FAM118B: variants seen among roughly 807,000 people sequenced by gnomAD.
FAM118B encodes the protein protein FAM118B.
Under a neutral mutation model 38.5 loss-of-function variants are expected in FAM118B, and 24 were observed. The ratio of observed to expected loss-of-function variants is 0.62; its 90% CI spans 0.45 to 0.88. The LOEUF is 0.88. FAM118B is among the 40% of genes least tolerant of loss of function. The probability of loss-of-function intolerance (pLI) is 0.00; values close to 1 mark genes in which losing one functional copy is unlikely to be tolerated. For synonymous variants in FAM118B, 138 were observed against 156.3 expected (o/e 0.88, Z 0.87); for missense variants, 334 against 420.0 (o/e 0.80, Z 1.79).
chr11:126,247,650 A>G (rs1386816872), intron 4 of FAM118B, among the ~76,000 whole-genome samples: 1 of 151,950 alleles, frequency 6.6e-6, no homozygotes, highest in Non-Finnish European at 1.5e-5. Flanking sequence ...ACAAGGTCAG[A>G]AGTTCAAGAC....
intron 1 of FAM118B, among the ~76,000 whole-genome samples, chr11:126,226,895 A>T (rs1163879833): frequency 1.3e-5 from 2 of 149,454 alleles, no homozygotes; most frequent in Non-Finnish European, 1.5e-5. Context: ...ACCAAGCCTG[A>T]TGGTGGAGGC....
In FAM118B at chr11:126,244,450, T is replaced by A. The variant is rs910304764; in HGVS notation, c.339+3406T>A. ...CAGTGAACAATACTAAAATGAAATA[T>A]TAAAAATTCTTCCACTTGGCATCAA... On this transcript the variant is annotated intron_variant, in intron 4 of 8. Transcript: ENST00000533050. This position sits in a 1 kb window ranked among gnomAD's most constrained non-coding sequence, Gnocchi z 4.5. 4.6e-5 allele frequency among the ~76,000 whole-genome samples: 7 copies of A among 152,204 alleles called. No homozygotes were observed. The highest frequency in any genetic ancestry group is 7.3e-5 in the Non-Finnish European group (5 of 68,042).
intron 7 of FAM118B, 105 bp from the exon 8 acceptor site, chr11:126,261,320 C>T (rs1591533774): frequency 1.2e-6 from 1 of 846,672 alleles, no homozygotes; most frequent in Non-Finnish European, 1.9e-6. Flanking sequence ...AATGCCCATT[C>T]CTTTTCAGTC....
chr11:126,247,311 A>G (rs1417857522), intron 4 of FAM118B, among the ~76,000 whole-genome samples: 1 of 152,112 alleles, frequency 6.6e-6, no homozygotes, highest in East Asian at 1.9e-4. Flanking sequence ...ACAAACTTCC[A>G]TTTTGAATCT....
At chr11:126,247,035 G>A (rs1009021227) in intron 4 of FAM118B, among the ~76,000 whole-genome samples, 3 of 152,352 alleles carry the variant, frequency 2.0e-5, no homozygotes, top group Admixed American at 6.5e-5. Context: ...GTACACGCCT[G>A]TGGTCCCACC....
Position 126,256,802 on chromosome 11 carries a change from C to T in FAM118B, c.932C>T (p.Pro311Leu). The T allele has an allele frequency of 6.2e-7, 1 of 1,613,684 alleles. No individual in the cohort carries two copies. The highest frequency in any genetic ancestry group is 8.5e-7 in the Non-Finnish European group (1 of 1,179,806). ...TATGGAGATGACTATGCCGATCTTC[C>T]AGAATATTTCAAGCGACTGACATGT... ...ISYGDDYADLPEYFKRLTCEI... is the reference protein window; with the variant it reads ...ISYGDDYADLLEYFKRLTCEI... Residue 311 changes from proline (P) to leucine (L), a missense_variant, in exon 7 of 9, where the codon CCA becomes CTA. Physicochemically the swap from Pro to Leu is moderately conservative, Grantham distance 98 (BLOSUM62 -3). Coordinates refer to ENST00000533050, the MANE Select transcript of FAM118B (RefSeq NM_024556.4). This position sits in a 1 kb window ranked among gnomAD's most constrained non-coding sequence, Gnocchi z 6.6.
chr11:126,248,662 G>A (rs1301777079), intron 4 of FAM118B, among the ~76,000 whole-genome samples: 4 of 152,076 alleles, frequency 2.6e-5, no homozygotes, highest in African/African-American at 9.7e-5. Context: ...GAGCCAGCAC[G>A]CCCGGCCCAG....
At position 126,248,616 on chromosome 11, in the gene FAM118B, C is replaced by T. The variant is rs536396657; in HGVS notation, c.340-1890C>T. 1.6e-4 allele frequency among the ~76,000 whole-genome samples: 25 copies of T among 152,126 alleles called. 3 individuals carry two copies. In the East Asian group the frequency reaches 4.3e-3, roughly 26 times the overall value. ...CGATCTCTTGACCTCGTGATCCACCCGCCTTGGCCTCCCAAAGTGCTGGGA... is the reference window on the plus strand; with the variant it reads ...CGATCTCTTGACCTCGTGATCCACCTGCCTTGGCCTCCCAAAGTGCTGGGA... On this transcript the variant is annotated intron_variant, in intron 4 of 8. Coordinates refer to ENST00000533050, the MANE Select transcript of FAM118B (RefSeq NM_024556.4).
rs967008760 is a variant in FAM118B at position 126,256,588 on chromosome 11, G to A, written c.718G>A (p.Glu240Lys). Residue 240 changes from glutamate to lysine, a missense_variant, in exon 7 of 9, where the codon GAA becomes AAA. Physicochemically the swap from Glu to Lys is moderately conservative, Grantham distance 56. This residue lies in a region of FAM118B where 240 missense variants were observed against 295.9 expected (regional missense o/e 0.81). Coordinates refer to ENST00000533050, the MANE Select transcript of FAM118B (RefSeq NM_024556.4). This position sits in a 1 kb window ranked among gnomAD's most constrained non-coding sequence, Gnocchi z 6.6. ...EVMREIQKLY[E>K]NKSFLFLGCG... ...CCAGAGAGAAATTCAGAAACTCTAC[G>A]AAAACAAGTCATTTCTTTTCCTGGG... The A allele has an allele frequency of 2.5e-6, 4 of 1,613,808 alleles. No homozygotes were observed. Among genetic ancestry groups the A allele is most frequent in the East Asian group, 2.2e-5 (1 of 44,880 alleles).
At position 126,256,594 on chromosome 11, in the gene FAM118B, A is replaced by G; in HGVS notation, c.724A>G (p.Lys242Glu). 1 of 1,613,914 alleles carries G rather than the reference A, an allele frequency of 6.2e-7. No homozygotes were observed. Among genetic ancestry groups the G allele is most frequent in the South Asian group, 1.1e-5 (1 of 91,080 alleles). The change falls in exon 7 of 9, where the codon AAG becomes GAG. Residue 242 changes from lysine to glutamate, a missense_variant. Physicochemically the swap from Lys to Glu is moderately conservative, Grantham distance 56. Around this residue, in one of 3 missense-constraint regions of FAM118B, gnomAD observed 240 missense variants for 295.9 expected, o/e 0.81. Coordinates refer to ENST00000533050, the MANE Select transcript of FAM118B (RefSeq NM_024556.4). This position sits in a 1 kb window ranked among gnomAD's most constrained non-coding sequence, Gnocchi z 6.6. ...AGAAATTCAGAAACTCTACGAAAAC[A>G]AGTCATTTCTTTTCCTGGGCTGTGG... ...MREIQKLYENKSFLFLGCGWT... is the reference protein window; with the variant it reads ...MREIQKLYENESFLFLGCGWT...
At chr11:126,245,507 G>A (rs745785386) in intron 4 of FAM118B, among the ~76,000 whole-genome samples, 57 of 152,126 alleles carry the variant, frequency 3.7e-4, no homozygotes, top group Non-Finnish European at 6.0e-4. Flanking sequence ...ACTTTGAAAC[G>A]GAAGTGCTGT....
chr11:126,253,490 C>T lies in FAM118B; in HGVS notation c.568-815C>T, dbSNP rs537030261. Among the ~76,000 whole-genome samples the T allele has an allele frequency of 6.6e-6, 1 of 152,274 alleles. No homozygotes were observed. Among genetic ancestry groups the T allele is most frequent in the South Asian group, 2.1e-4 (1 of 4,816 alleles). On this transcript the variant is annotated intron_variant, in intron 5 of 8. Coordinates refer to ENST00000533050, the MANE Select transcript of FAM118B (RefSeq NM_024556.4). This position sits in a 1 kb window ranked among gnomAD's most constrained non-coding sequence, Gnocchi z 5.1. ...TTCTTCGCTGGCAGCCTTTTAGGTT[C>T]CTCAGAGGTGACTGAAGTGATTTTT...
intron 1 of FAM118B, among the ~76,000 whole-genome samples, chr11:126,213,197 A>C (rs1949914744): frequency 6.6e-6 from 1 of 152,162 alleles, no homozygotes; most frequent in African/African-American, 2.4e-5. Flanking sequence ...GCTGAAGTGC[A>C]TCATAAATGT....
At chr11:126,216,633 A>G (rs534686544) in intron 1 of FAM118B, among the ~76,000 whole-genome samples, 2 of 152,356 alleles carry the variant, frequency 1.3e-5, no homozygotes, top group Non-Finnish European at 2.9e-5. Flanking sequence ...ACACTGAAAC[A>G]AGTAAGATTT....
At chr11:126,259,022 T>G (rs1193069959) in intron 7 of FAM118B, among the ~76,000 whole-genome samples, 3 of 152,256 alleles carry the variant, frequency 2.0e-5, no homozygotes, top group Admixed American at 2.0e-4. Context: ...TAAGGTGTTC[T>G]GTATCTTTAA....
At chr11:126,214,503 GTTTTT>G (rs769565375) in intron 1 of FAM118B, 2 of 28,258 alleles carry the variant, frequency 7.1e-5, no homozygotes, top group East Asian at 3.4e-3. Context: ...TTTTTTTTTT[GTTTTT>G]TTTTTGTTTT....
At chr11:126,258,381 T>C (rs1386438559) in intron 7 of FAM118B, among the ~76,000 whole-genome samples, 1 of 152,200 alleles carries the variant, frequency 6.6e-6, no homozygotes, top group Non-Finnish European at 1.5e-5. Flanking sequence ...AGCAAGACGC[T>C]GTTTCTAAAA....
At chr11:126,211,851 G>T in intron 1 of FAM118B, 21 bp downstream of exon 1, 1 of 561,414 alleles carries the variant, frequency 1.8e-6, no homozygotes, top group Non-Finnish European at 3.1e-6. Context: ...AGGGAAGCCG[G>T]GCTGGGGCTG....
intron 2 of FAM118B, among the ~76,000 whole-genome samples, chr11:126,232,194 C>T (rs1473843479): frequency 1.3e-5 from 2 of 152,044 alleles, no homozygotes; most frequent in Admixed American, 6.6e-5. Flanking sequence ...TTATACTTAA[C>T]GGTTGAGCAT....
Sources: gnomAD v4.1 joint callset for allele counts (sites outside exome capture counted in the v4.1 genomes callset) on GRCh38, gnomAD v4.1.1 for gene constraint, gnomAD v4.1.1 regional missense constraint, Gnocchi (gnomAD v3.1) non-coding constraint, MANE v1.5 for transcripts, NCBI Gene and HGNC (gene_info 2026-07-23, HGNC 2026-07-21) for gene names.